The following CCDC82 variants were observed in gnomAD, a reference collection of about 807,000 sequenced individuals.
CCDC82 encodes the protein coiled-coil domain containing 82.
A neutral mutation model predicts 60.6 loss-of-function variants in CCDC82; 47 were observed. The observed-to-expected ratio is 0.77, with a 90% CI of 0.61 to 0.99. The LOEUF is 0.99. Among genes scored for constraint, CCDC82 ranks in the 50% least tolerant of loss-of-function variants. The pLI, the probability that CCDC82 is intolerant of heterozygous loss-of-function variation, is 0.00. For missense variants in CCDC82, 588 were observed against 633.0 expected (o/e 0.93, Z 0.76); for synonymous variants, 212 against 207.4 (o/e 1.02, Z -0.19).
chr11:96,358,707 A>C (rs1357635395), intron 9 of CCDC82: 1 of 1,157,234 alleles, frequency 8.6e-7, no homozygotes, highest in African/African-American at 1.6e-5. Flanking sequence ...TATATATGTA[A>C]GCAATACATA....
intron 5 of CCDC82, chr11:96,380,764 T>C (rs1865836154): frequency 6.6e-6 from 1 of 151,792 alleles, no homozygotes. Flanking sequence ...ATTCCAACTA[T>C]ATGACAGTTT....
chr11:96,365,837 A>G (rs1864917251), intron 7 of CCDC82, among the ~76,000 whole-genome samples: 1 of 152,198 alleles, frequency 6.6e-6, no homozygotes, highest in Non-Finnish European at 1.5e-5. Flanking sequence ...TACTATTCTA[A>G]TTGGTAGTGT....
In CCDC82 at chr11:96,359,163, T is replaced by G; in HGVS notation, c.1396A>C (p.Arg466=). Residue 466 remains arginine (R), a synonymous_variant, in exon 9 of 10, where the codon AGA becomes CGA. Transcript: ENST00000646818. ...SHDKQVFTVG[R]ICASRTRIYH... is the part of the protein sequence containing the mutation. The stretch of plus-strand genomic sequence containing the variant: ...ATTCTGGTACGGCTGGCACAAATTC[T>G]GCCAACAGTGAACACCTAAATCAAG... 1 of 1,577,962 alleles carries G rather than the reference T, an allele frequency of 6.3e-7. No individual in the cohort carries two copies. Among genetic ancestry groups the G allele is most frequent in the Non-Finnish European group, 8.6e-7 (1 of 1,169,110 alleles).
At chr11:96,384,800 C>T in intron 3 of CCDC82, 39 bp from the exon 4 acceptor site, 9 of 1,275,436 alleles carry the variant, frequency 7.1e-6, no homozygotes, top group Non-Finnish European at 9.6e-6. Context: ...CAGTGATAAC[C>T]AGATTAGAGC....
rs1240102285 is a variant in CCDC82, at chr11:96,353,555, A to C, written c.*91T>G. ...TATTTTGCCATGAAGATATAGATAA[A>C]ATGTACAAACATGTCACATGATACA... On this transcript the variant is annotated 3_prime_UTR_variant, in exon 10 of 10. Transcript: ENST00000646818. The C allele has an allele frequency of 1.0e-6, 1 of 1,003,860 alleles. No individual in the cohort carries two copies. Among genetic ancestry groups the C allele is most frequent in the Non-Finnish European group, 1.5e-6 (1 of 648,474 alleles). The allele number at this position is 1,003,860 out of a possible 1,614,324, so 62.2% of individuals were successfully genotyped here.
intron 5 of CCDC82, 84 bp from the exon 6 acceptor site, chr11:96,373,551 G>T: frequency 2.6e-6 from 2 of 770,948 alleles, no homozygotes; most frequent in African/African-American, 1.8e-5. Context: ...CCACTGCTAA[G>T]AAATTAAAAC....
At chr11:96,380,001 C>T (rs1254052334) in intron 5 of CCDC82, among the ~76,000 whole-genome samples, 2 of 151,610 alleles carry the variant, frequency 1.3e-5, no homozygotes, top group African/African-American at 4.8e-5. Context: ...AACGGAAATG[C>T]AAGAAAAGTA....
rs1474324816 is a variant in CCDC82 at position 96,389,878 on chromosome 11, G to GCCTCCA, written c.-174_-173insTGGAGG. ...CGCCTCCACCTCTGCCTCCGCCTCC[G>GCCTCCA]CCCCTGCCCCGGCAACCAGCTCAGG... On this transcript the variant is annotated 5_prime_UTR_variant, in exon 1 of 10. Coordinates refer to ENST00000646818, the MANE Select transcript of CCDC82 (RefSeq NM_024725.4). The GCCTCCA allele has an allele frequency of 1.3e-5, 2 of 153,246 alleles. No homozygotes were observed. The highest frequency in any genetic ancestry group is 4.8e-5 in the African/African-American group (2 of 41,488). The allele number at this position is 153,246 out of a possible 1,614,324, so 9.5% of individuals were successfully genotyped here.
In CCDC82 at chr11:96,365,614, C is replaced by T. The variant is rs1000079965; in HGVS notation, c.1210-464G>A. On this transcript the variant is annotated intron_variant, in intron 7 of 9. Coordinates refer to ENST00000646818, the MANE Select transcript of CCDC82 (RefSeq NM_024725.4). Reference sequence around the variant, plus strand: ...AATATTCCAGAAATAATTCAATCCTCCTATGATAACTTACTACAGTCCTGG... The same window carrying T: ...AATATTCCAGAAATAATTCAATCCTTCTATGATAACTTACTACAGTCCTGG... Among the ~76,000 whole-genome samples, 22 of 152,164 alleles carry T rather than the reference C, an allele frequency of 1.4e-4. 1 individual carries two copies. The highest frequency in any genetic ancestry group is 5.9e-5 in the Non-Finnish European group (4 of 68,018).
chr11:96,380,277 T>C (rs2155574), intron 5 of CCDC82, among the ~76,000 whole-genome samples: 32,112 of 151,630 alleles, frequency 0.21, 3,519 homozygotes, highest in East Asian at 0.31. Flanking sequence ...AGGAAAGGCA[T>C]GAACTTGGTT....
chr11:96,358,224 T>A (rs922815707), intron 9 of CCDC82: 1 of 1,027,246 alleles, frequency 9.7e-7, no homozygotes, highest in African/African-American at 1.7e-5. Flanking sequence ...CCTGAAAATC[T>A]ACTATTTGTT....
chr11:96,375,775 C>A (rs537982414), intron 5 of CCDC82, among the ~76,000 whole-genome samples: 60 of 152,280 alleles, frequency 3.9e-4, no homozygotes, highest in Middle Eastern at 6.8e-3. Context: ...TGATATATGT[C>A]ACAACACAAA....
chr11:96,383,962 C>G lies in CCDC82; in HGVS notation c.786G>C (p.Glu262Asp). Reference protein sequence around the residue: ...RQRRSSGRDFEDSEKESCPSS... With the variant: ...RQRRSSGRDFDDSEKESCPSS... ...ACAAATCCAACAAAATATAACACAC[C>G]TCAAAATCTCTACCACTACTGCGTC... Residue 262 changes from glutamate to aspartate, a missense_variant and splice_region_variant, in exon 4 of 10, where the codon GAG becomes GAC. Transcript: ENST00000646818. 6.2e-7 allele frequency: 1 copy of G among 1,600,554 alleles called. No individual in the cohort carries two copies. Among genetic ancestry groups the G allele is most frequent in the Non-Finnish European group, 8.5e-7 (1 of 1,175,104 alleles).
At chr11:96,389,627 T>C (rs1866433828) in intron 1 of CCDC82, 1 of 152,064 alleles carries the variant, frequency 6.6e-6, no homozygotes, top group Non-Finnish European at 1.5e-5. Context: ...AAGGCGGAAA[T>C]AACGGGCACC....
chr11:96,355,990 G>A (rs1418375020), intron 9 of CCDC82: 1 of 152,202 alleles, frequency 6.6e-6, no homozygotes, highest in Non-Finnish European at 1.5e-5. Context: ...CTGCAGAAGG[G>A]AATTGATTCG....
chr11:96,354,261 T>C (rs1168606675), intron 9 of CCDC82: 1 of 152,164 alleles, frequency 6.6e-6, no homozygotes, highest in African/African-American at 2.4e-5. Context: ...AAAAACAGAT[T>C]TGGTAGGCAA....
chr11:96,359,688 A>G (rs186544872), intron 8 of CCDC82, among the ~76,000 whole-genome samples: 18 of 151,036 alleles, frequency 1.2e-4, no homozygotes, highest in African/African-American at 4.1e-4. Flanking sequence ...TGATAAGTCC[A>G]TATTTATGAA....
chr11:96,367,816 A>ATTTCTT (rs1555050417), intron 7 of CCDC82, among the ~76,000 whole-genome samples: 4 of 112,340 alleles, frequency 3.6e-5, no homozygotes, highest in African/African-American at 9.6e-5. Context: ...TATGAAATGT[A>ATTTCTT]TTTCTTTTTT....
chr11:96,372,354 A>C (rs1177058348), intron 6 of CCDC82, among the ~76,000 whole-genome samples: 1 of 151,806 alleles, frequency 6.6e-6, no homozygotes, highest in Non-Finnish European at 1.5e-5. Context: ...AGAACTAATC[A>C]CCACTGAAAT....
Sources: allele counts gnomAD v4.1 joint callset (sites outside exome capture counted in the v4.1 genomes callset), GRCh38; gene constraint gnomAD v4.1.1; transcripts MANE v1.5; gene names NCBI Gene and HGNC (gene_info 2026-07-23, HGNC 2026-07-21).